Variants in MBTPS2 observed in about 807,000 individuals in gnomAD.
MBTPS2 encodes the protein membrane bound transcription factor peptidase, site 2.
In MBTPS2, 2 loss-of-function variants were observed where a neutral mutation model predicts 35.4. The ratio of observed to expected loss-of-function variants is 0.06; its 90% CI spans 0.02 to 0.18. MBTPS2 has a LOEUF of 0.18. Among genes scored for constraint, MBTPS2 ranks in the 10% least tolerant of loss-of-function variants. The pLI, the probability that MBTPS2 is intolerant of heterozygous loss-of-function variation, is 1.00. For missense variants in MBTPS2, 244 were observed against 386.5 expected (o/e 0.63, Z 3.09); for synonymous variants, 125 against 140.4 (o/e 0.89, Z 0.77).
At chrX:21,868,754 T>A (rs1222000112) in intron 6 of MBTPS2, among the ~76,000 whole-genome samples, 169 bp downstream of exon 6, 3 of 112,716 alleles carry the variant, frequency 2.7e-5, no homozygotes, top group Non-Finnish European at 5.6e-5. Flanking sequence ...GGGAAACACA[T>A]TGGTTTTTTT....
rs2092909971 is a variant in MBTPS2 at position 21,847,651 on chromosome X, G to A, written c.438+2267G>A. Among the ~76,000 whole-genome samples, 4 of 112,161 alleles carry A rather than the reference G, an allele frequency of 3.6e-5. No individual in the cohort carries two copies. The South Asian group carries it at 1.5e-3, about 41-fold the overall frequency. On this transcript the variant is annotated intron_variant, in intron 3 of 10. Transcript: ENST00000379484. ...ACATGCAGAAAATAATAAAGAGAAG[G>A]AAGAAATATCCTATTGGACCAAGCT...
In MBTPS2 at chrX:21,885,002, G is replaced by A. The variant is rs1281825112; in HGVS notation, c.*2347G>A. The A allele has an allele frequency of 3.1e-5, 23 of 748,928 alleles. No individual in the cohort carries two copies. Among genetic ancestry groups the A allele is most frequent in the Non-Finnish European group, 3.5e-5 (22 of 635,758 alleles). 61.7% of individuals were successfully genotyped at this position (748,928 alleles called of 1,213,427 possible). A position where few individuals can be genotyped will look rare whatever the true frequency, so the allele number is the denominator to read the frequency against. On this transcript the variant is annotated 3_prime_UTR_variant, in exon 11 of 11. Coordinates refer to ENST00000379484, the MANE Select transcript of MBTPS2 (RefSeq NM_015884.4). Reference sequence around the variant, plus strand: ...GGATTGAAGAAAGTGTTCTTTCTGCGTTGTCACTTTGTTCAACAGTAAAAC... The same window carrying A: ...GGATTGAAGAAAGTGTTCTTTCTGCATTGTCACTTTGTTCAACAGTAAAAC...
intron 5 of MBTPS2, among the ~76,000 whole-genome samples, chrX:21,867,032 GAA>G (rs10561950): frequency 0.44 from 45,359 of 102,283 alleles, 7,806 homozygotes; most frequent in East Asian, 0.59. Flanking sequence ...AAAAAAAAAA[GAA>G]AAAAAGAAAA....
In MBTPS2 at chrX:21,883,137, C is replaced by A. The variant is rs1213244075; in HGVS notation, c.*482C>A. On this transcript the variant is annotated 3_prime_UTR_variant, in exon 11 of 11. Transcript: ENST00000379484. Reference sequence around the variant, plus strand: ...GTCTTGTTTGAAAAGTATTTTAAAACTTAATGGTGTATTATTTTGTGCTCT... The same window carrying A: ...GTCTTGTTTGAAAAGTATTTTAAAAATTAATGGTGTATTATTTTGTGCTCT... The A allele has an allele frequency of 3.9e-6, 3 of 764,714 alleles. No individual in the cohort carries two copies. In the East Asian group the frequency reaches 3.7e-4, roughly 95 times the overall value. The allele number at this position is 764,714 out of a possible 1,213,427, so 63.0% of individuals were successfully genotyped here.
rs2092960975 is a variant in MBTPS2 at position 21,882,986 on chromosome X, CAG to C, written c.*333_*334del. ...TGTGTTGAAATAGTATAAAGGAGAA[CAG>C]AACTGGGTGGAATTAATTGGGAAAA... On this transcript the variant is annotated 3_prime_UTR_variant, in exon 11 of 11. Coordinates refer to ENST00000379484, the MANE Select transcript of MBTPS2 (RefSeq NM_015884.4). 2.3e-6 allele frequency: 2 copies of C among 879,588 alleles called. No individual in the cohort carries two copies. The highest frequency in any genetic ancestry group is 1.1e-4 in the Admixed American group (2 of 18,779). 72.5% of individuals were successfully genotyped at this position (879,588 alleles called of 1,213,427 possible).
intron 5 of MBTPS2, among the ~76,000 whole-genome samples, chrX:21,861,875 A>G (rs1349432578): frequency 5.3e-5 from 6 of 112,345 alleles, no homozygotes; most frequent in African/African-American, 1.9e-4. Context: ...ACACTTTAAA[A>G]ATTTTAAAAG....
rs751183532 is a variant in MBTPS2 at position 21,856,361 on chromosome X, C to T, written c.670+2858C>T. 19 of 755,382 alleles carry T rather than the reference C, an allele frequency of 2.5e-5. No homozygotes were observed. In the African/African-American group the frequency reaches 4.0e-4, roughly 16 times the overall value. 62.3% of individuals were successfully genotyped at this position (755,382 alleles called of 1,213,427 possible). The stretch of plus-strand genomic sequence containing the variant: ...TCGCGCCTTTCTCTGCAGCTCGCGC[C>T]TTTCTCTGCAGCTCGCCCCTTCCTC... On this transcript the variant is annotated intron_variant, in intron 5 of 10. Coordinates refer to ENST00000379484, the MANE Select transcript of MBTPS2 (RefSeq NM_015884.4).
chrX:21,849,190 A>G (rs1487227868), intron 3 of MBTPS2, among the ~76,000 whole-genome samples: 2 of 111,872 alleles, frequency 1.8e-5, no homozygotes, highest in Non-Finnish European at 3.8e-5. Context: ...AATAGATTTG[A>G]CTACCTAAAT....
At chrX:21,881,026 C>A in intron 10 of MBTPS2, 54 bp downstream of exon 10, 2 of 869,439 alleles carry the variant, frequency 2.3e-6, no homozygotes, top group Admixed American at 2.2e-5. Flanking sequence ...GGATCTTGAT[C>A]AATTTTACCT....
rs747100117 is a variant in MBTPS2 at position 21,880,931 on chromosome X, T to C, written c.1296T>C (p.Phe432=). ...SITSFIPRFN[F]LSIDLPVVVE... ...CCAGTTTTATCCCACGTTTTAACTT[T>C]CTAAGCATAGATCTGCCAGTGGTTG... Residue 432 remains phenylalanine (F), a synonymous_variant, in exon 10 of 11, where the codon TTT becomes TTC. Coordinates refer to ENST00000379484, the MANE Select transcript of MBTPS2 (RefSeq NM_015884.4). 4.2e-6 allele frequency: 5 copies of C among 1,204,689 alleles called. No individual in the cohort carries two copies. Among genetic ancestry groups the C allele is most frequent in the East Asian group, 5.9e-5 (2 of 33,723 alleles).
intron 9 of MBTPS2, among the ~76,000 whole-genome samples, chrX:21,879,089 G>A (rs1226415863): frequency 9.0e-6 from 1 of 111,615 alleles, no homozygotes; most frequent in African/African-American, 3.3e-5. Flanking sequence ...TGTGACACAT[G>A]ACTTTCATAT....
intron 5 of MBTPS2, among the ~76,000 whole-genome samples, chrX:21,855,783 AG>A (rs1447171054): frequency 1.9e-5 from 2 of 104,675 alleles, no homozygotes; most frequent in African/African-American, 7.0e-5. Flanking sequence ...CAGGAGGCGG[AG>A]GTTGCAGTGA....
intron 4 of MBTPS2, 81 bp downstream of exon 4, chrX:21,851,693 A>G (rs1190835916): frequency 1.8e-5 from 12 of 657,902 alleles, no homozygotes; most frequent in Non-Finnish European, 2.8e-5. Flanking sequence ...AAAATCTGCT[A>G]TATTTGATAC....
chrX:21,846,490 C>T (rs2092908846), intron 3 of MBTPS2, among the ~76,000 whole-genome samples: 2 of 112,075 alleles, frequency 1.8e-5, no homozygotes, highest in African/African-American at 3.2e-5. Context: ...CCTGCCTCAG[C>T]CTCCTGAGTA....
At chrX:21,865,839 C>A (rs1273567272) in intron 5 of MBTPS2, among the ~76,000 whole-genome samples, 1 of 112,312 alleles carries the variant, frequency 8.9e-6, no homozygotes, top group East Asian at 2.8e-4. Flanking sequence ...ATAAGTAGGG[C>A]TTGATTGGGG....
At position 21,845,963 on chromosome X, in the gene MBTPS2, T is replaced by C. The variant is rs1011549502; in HGVS notation, c.438+579T>C. ...GGCTTTACATTGGCTCACTTTTATT[T>C]CACATTTTTACATTTATAGTTCCCA... On this transcript the variant is annotated intron_variant, in intron 3 of 10. Transcript: ENST00000379484. Among the ~76,000 whole-genome samples the C allele has an allele frequency of 7.1e-5, 8 of 112,138 alleles. No individual in the cohort carries two copies. The Admixed American group carries it at 7.6e-4, about 11-fold the overall frequency.
chrX:21,857,620 C>G, intron 5 of MBTPS2: 4 of 1,184,081 alleles, frequency 3.4e-6, no homozygotes, highest in South Asian at 1.9e-5. Context: ...GAAGACCCCT[C>G]TCAGACTTGG....
At chrX:21,861,999 G>A (rs765496622) in intron 5 of MBTPS2, among the ~76,000 whole-genome samples, 185 of 112,057 alleles carry the variant, frequency 1.7e-3, no homozygotes, top group Non-Finnish European at 1.5e-3. Flanking sequence ...AATATAAGTA[G>A]TTCAGTGTTG....
At chrX:21,859,533 A>T (rs1302941536) in intron 5 of MBTPS2, among the ~76,000 whole-genome samples, 4 of 105,865 alleles carry the variant, frequency 3.8e-5, no homozygotes, top group African/African-American at 1.4e-4. Flanking sequence ...TTGCCTGTTC[A>T]GTTAAAGTAG....
Sources: gnomAD v4.1 joint callset for allele counts (sites outside exome capture counted in the v4.1 genomes callset) on GRCh38, gnomAD v4.1.1 for gene constraint, MANE v1.5 for transcripts, NCBI Gene and HGNC (gene_info 2026-07-23, HGNC 2026-07-21) for gene names.